The following APBA1 variants were observed in gnomAD, a reference collection of about 807,000 sequenced individuals.
The protein encoded by APBA1 is amyloid beta precursor protein binding family A member 1, also known as amyloid-beta A4 precursor protein-binding family A member 1.
APBA1 carries 55 observed loss-of-function variants against 86.6 expected under a neutral mutation model. That is an observed-to-expected ratio of 0.64 (90% CI 0.51 to 0.80). The LOEUF (loss-of-function observed/expected upper bound fraction) is 0.80, where lower values mean the gene tolerates loss of function less well. APBA1 is among the 30% of genes least tolerant of loss of function. The pLI is 0.00. For synonymous variants in APBA1, 511 were observed against 493.9 expected (o/e 1.03, Z -0.46); for missense variants, 1,090 against 1,183.0 (o/e 0.92, Z 1.15).
chr9:69,467,835 T>C lies in APBA1; in HGVS notation c.1470A>G (p.Val490=), dbSNP rs977682388. The C allele has an allele frequency of 6.2e-6, 10 of 1,614,122 alleles. No homozygotes were observed. Among genetic ancestry groups the C allele is most frequent in the Non-Finnish European group, 7.6e-6 (9 of 1,180,044 alleles). Residue 490 remains valine (V), a synonymous_variant, in exon 5 of 13, where the codon GTA becomes GTG. Coordinates refer to ENST00000265381, the MANE Select transcript of APBA1 (RefSeq NM_001163.4). ...CAGATGTCCTCACCTTGATCCTGCT[T>C]ACGGCTTCCTGGGCCTGCATCATGC... ...NVRMMQAQEA[V]SRIKMAQKLA...
At chr9:69,453,929 G>A (rs1305752026) in intron 8 of APBA1, among the ~76,000 whole-genome samples, 1 of 152,230 alleles carries the variant, frequency 6.6e-6, no homozygotes, top group East Asian at 1.9e-4. Flanking sequence ...GGGTAGAACA[G>A]GATATGGAGG....
chr9:69,493,937 T>C (rs1835754254), intron 2 of APBA1, among the ~76,000 whole-genome samples: 2 of 152,128 alleles, frequency 1.3e-5, no homozygotes, highest in African/African-American at 4.8e-5. Flanking sequence ...TTAACCTTAT[T>C]CCACATTAGA....
rs1564104983 is a variant in APBA1, at chr9:69,658,299, TCTCTC to T, written c.-70+13849_-70+13853del. 2.4e-3 allele frequency among the ~76,000 whole-genome samples: 210 copies of T among 89,082 alleles called. 8 individuals are homozygous for T. Among genetic ancestry groups the T allele is most frequent in the African/African-American group, 5.4e-3 (130 of 24,112 alleles). The allele number at this position is 89,082 out of a possible 152,430, so 58.4% of individuals were successfully genotyped here. A position where few individuals can be genotyped will look rare whatever the true frequency, so the allele number is the denominator to read the frequency against. On this transcript the variant is annotated intron_variant, in intron 1 of 12. Coordinates refer to ENST00000265381, the MANE Select transcript of APBA1 (RefSeq NM_001163.4). ...TTCTTTCTTTCTCTCTCTCTTTCTCTCTCTCTCTTTCTTTCTTTCTTTCTTTCTTT... is the reference window on the plus strand; with the variant it reads ...TTCTTTCTTTCTCTCTCTCTTTCTCTTCTTTCTTTCTTTCTTTCTTTCTTT...
chr9:69,525,276 G>A (rs1188298243), intron 1 of APBA1, among the ~76,000 whole-genome samples: 1 of 152,108 alleles, frequency 6.6e-6, no homozygotes, highest in African/African-American at 2.4e-5. Context: ...AATAGGGAAA[G>A]AAGAAGTCAA....
intron 1 of APBA1, among the ~76,000 whole-genome samples, chr9:69,616,286 T>C (rs1822698208): frequency 6.6e-6 from 1 of 152,200 alleles, no homozygotes; most frequent in Non-Finnish European, 1.5e-5. Flanking sequence ...GTGCTATTGC[T>C]AATACCATAT....
rs146462819 is a variant in APBA1, at chr9:69,486,312, G to A, written c.1201-10169C>T. Among the ~76,000 whole-genome samples, 165 of 152,156 alleles carry A rather than the reference G, an allele frequency of 1.1e-3. 1 individual carries two copies. The highest frequency in any genetic ancestry group is 3.7e-3 in the African/African-American group (154 of 41,528). ...CAAAGACAGCACTTCTCGTGGTAGC[G>A]GGGAGACATACAAATAGCTCCTGGA... On this transcript the variant is annotated intron_variant, in intron 2 of 12. Transcript: ENST00000265381.
intron 1 of APBA1, among the ~76,000 whole-genome samples, chr9:69,524,963 GA>G (rs1836319524): frequency 6.6e-6 from 1 of 152,124 alleles, no homozygotes; most frequent in Admixed American, 6.6e-5. Context: ...CACATAAACA[GA>G]ATTGAAAACC....
At chr9:69,654,703 A>G (rs1470340966) in intron 1 of APBA1, among the ~76,000 whole-genome samples, 2 of 152,252 alleles carry the variant, frequency 1.3e-5, no homozygotes, top group Admixed American at 6.5e-5. Context: ...AAATCATTCT[A>G]CAAGGCCAGT....
intron 1 of APBA1, among the ~76,000 whole-genome samples, chr9:69,567,617 C>T (rs28417391): frequency 0.027 from 4,101 of 152,102 alleles, 190 homozygotes; most frequent in African/African-American, 0.094. Context: ...GTCCCCCTTC[C>T]TGTGTCCAAA....
chr9:69,476,323 C>T (rs2777863), intron 2 of APBA1, among the ~76,000 whole-genome samples, 180 bp from the exon 3 acceptor site: 30,387 of 152,146 alleles, frequency 0.2, 3,165 homozygotes, highest in South Asian at 0.3. Flanking sequence ...GGTTTTCAAG[C>T]TTTCTTTTTC....
chr9:69,451,782 G>C (rs900634809), intron 9 of APBA1, among the ~76,000 whole-genome samples: 3 of 152,066 alleles, frequency 2.0e-5, no homozygotes, highest in African/African-American at 7.2e-5. Flanking sequence ...GCCTGTACCT[G>C]GCACCATCAT....
intron 1 of APBA1, among the ~76,000 whole-genome samples, chr9:69,671,464 C>CAT (rs1823946994): frequency 1.3e-5 from 2 of 152,128 alleles, no homozygotes; most frequent in Non-Finnish European, 2.9e-5. Context: ...TACACTGGGC[C>CAT]ATCCACACGC....
At chr9:69,481,743 C>T (rs62567180) in intron 2 of APBA1, among the ~76,000 whole-genome samples, 1 of 148,964 alleles carries the variant, frequency 6.7e-6, no homozygotes, top group Non-Finnish European at 1.5e-5. Context: ...ACAGTAACCA[C>T]AACAGCATGG....
intron 1 of APBA1, among the ~76,000 whole-genome samples, chr9:69,554,994 T>C (rs902389940): frequency 2.6e-5 from 4 of 152,182 alleles, no homozygotes; most frequent in African/African-American, 9.7e-5. Flanking sequence ...GGAGCACAAC[T>C]GATGATTCCT....
At chr9:69,491,251 C>T (rs1414016547) in intron 2 of APBA1, among the ~76,000 whole-genome samples, 19 of 152,090 alleles carry the variant, frequency 1.2e-4, no homozygotes, top group Admixed American at 4.6e-4. Context: ...GTGGCACATA[C>T]ACACCATGGA....
chr9:69,439,503 C>G (rs1588283101), intron 11 of APBA1, among the ~76,000 whole-genome samples: 1 of 152,146 alleles, frequency 6.6e-6, no homozygotes, highest in Admixed American at 6.5e-5. Context: ...TCTTTTTTCT[C>G]TAAAATCCTC....
chr9:69,503,220 T>C (rs1835904954), intron 2 of APBA1, among the ~76,000 whole-genome samples: 1 of 152,096 alleles, frequency 6.6e-6, no homozygotes, highest in Non-Finnish European at 1.5e-5. Context: ...CTCTAAAGGA[T>C]TCCTACTCTT....
chr9:69,566,683 G>A (rs1002679717), intron 1 of APBA1, among the ~76,000 whole-genome samples: 4 of 152,076 alleles, frequency 2.6e-5, no homozygotes, highest in Non-Finnish European at 5.9e-5. Context: ...AGCACTCCAA[G>A]CTCATTCTCT....
At chr9:69,515,356 G>T (rs763797853) in intron 2 of APBA1, among the ~76,000 whole-genome samples, 1 of 152,008 alleles carries the variant, frequency 6.6e-6, no homozygotes, top group East Asian at 1.9e-4. Flanking sequence ...CTGAGAAAAC[G>T]CTGGTCTCAG....
Sources: gnomAD v4.1 joint callset for allele counts (sites outside exome capture counted in the v4.1 genomes callset) on GRCh38, gnomAD v4.1.1 for gene constraint, MANE v1.5 for transcripts, NCBI Gene and HGNC (gene_info 2026-07-23, HGNC 2026-07-21) for gene names.